Variants in ARHGAP32 observed in about 807,000 individuals in gnomAD.
ARHGAP32 encodes the protein Rho GTPase activating protein 32.
Under a neutral mutation model 186.5 loss-of-function variants are expected in ARHGAP32, and 51 were observed. That is an observed-to-expected ratio of 0.27 (90% CI 0.22 to 0.35). ARHGAP32 has a LOEUF of 0.35. Ranked by LOEUF, ARHGAP32 falls within the 10% of genes least tolerant of loss-of-function variation. The pLI is 1.00. For missense variants in ARHGAP32, 2,186 were observed against 2,623.5 expected, an observed-to-expected ratio of 0.83 and a Z score of 3.64; for synonymous variants, 950 against 964.3, an observed-to-expected ratio of 0.99 and a Z score of 0.27.
At chr11:129,090,336 C>G (rs1306902626) in intron 6 of ARHGAP32, among the ~76,000 whole-genome samples, 1 of 152,112 alleles carries the variant, frequency 6.6e-6, no homozygotes, top group Non-Finnish European at 1.5e-5. Flanking sequence ...AAGCATTCCC[C>G]TGAAACCAAG....
At chr11:128,971,575 T>C (rs1302054663) in intron 22 of ARHGAP32, 5 of 164,630 alleles carry the variant, frequency 3.0e-5, no homozygotes, top group Non-Finnish European at 6.6e-5. Flanking sequence ...GGGGAGACTT[T>C]TGAAATTCAC....
At chr11:129,119,118 A>C (rs1026024348) in intron 5 of ARHGAP32, among the ~76,000 whole-genome samples, 18 of 152,088 alleles carry the variant, frequency 1.2e-4, no homozygotes, top group Middle Eastern at 3.4e-3. Flanking sequence ...AACCTCAATC[A>C]GAACTCATAG....
chr11:129,055,292 G>C (rs1214138921), intron 10 of ARHGAP32, among the ~76,000 whole-genome samples: 1 of 152,142 alleles, frequency 6.6e-6, no homozygotes, highest in Non-Finnish European at 1.5e-5. Flanking sequence ...TCAAATGTTG[G>C]TGAGGATGTG....
rs866166840 is a variant in ARHGAP32 at position 128,970,140 on chromosome 11, C to A, written c.5073G>T (p.Gln1691His). 2 of 1,614,204 alleles carry A rather than the reference C, an allele frequency of 1.2e-6. No homozygotes were observed. Among genetic ancestry groups the A allele is most frequent in the Admixed American group, 3.3e-5 (2 of 60,036 alleles). Residue 1691 changes from glutamine to histidine, a missense_variant, in exon 23 of 23, where the codon CAG (glutamine) becomes CAT (histidine). Around this residue, in one of 5 missense-constraint regions of ARHGAP32, gnomAD observed 1,502 missense variants for 1,570.0 expected, o/e 0.96. Coordinates refer to ENST00000682385, the MANE Select transcript of ARHGAP32 (RefSeq NM_001378024.1). This position sits in a 1 kb window ranked among gnomAD's most constrained non-coding sequence, Gnocchi z 5.8. ...LCDVDAYGTV[Q>H]LRPLHRLPNR... ...TGGGAAGGCGGTGAAGGGGTCTCAA[C>A]TGGACTGTGCCATAGGCATCCACAT...
chr11:129,073,248 A>T (rs1055956750), intron 6 of ARHGAP32, among the ~76,000 whole-genome samples: 1 of 152,212 alleles, frequency 6.6e-6, no homozygotes, highest in Non-Finnish European at 1.5e-5. Flanking sequence ...GTTTAAAAAG[A>T]CTGAAGACAC....
chr11:128,980,045 G>A (rs1461185139), intron 18 of ARHGAP32, among the ~76,000 whole-genome samples: 1 of 152,186 alleles, frequency 6.6e-6, no homozygotes, highest in Non-Finnish European at 1.5e-5. Context: ...TGATTCAGCG[G>A]GTCTGGGGTG....
chr11:129,055,456 C>A (rs2135103364), intron 10 of ARHGAP32, among the ~76,000 whole-genome samples: 1 of 152,298 alleles, frequency 6.6e-6, no homozygotes, highest in Middle Eastern at 3.4e-3. Flanking sequence ...GACTTGAAAA[C>A]TTATGTCCAC....
chr11:129,063,584 A>C (rs549174152), intron 9 of ARHGAP32, among the ~76,000 whole-genome samples: 1 of 152,286 alleles, frequency 6.6e-6, no homozygotes, highest in African/African-American at 2.4e-5. Context: ...TAAGTGATAT[A>C]TCAGCAATAA....
At chr11:129,157,552 C>T (rs1456988336) in intron 2 of ARHGAP32, among the ~76,000 whole-genome samples, 2 of 151,988 alleles carry the variant, frequency 1.3e-5, no homozygotes, top group South Asian at 2.1e-4. Context: ...AAGGAACAAA[C>T]AAAGCCTCCA....
chr11:129,005,491 C>T (rs1937714546), intron 11 of ARHGAP32, among the ~76,000 whole-genome samples: 6 of 152,096 alleles, frequency 3.9e-5, no homozygotes, highest in Non-Finnish European at 8.8e-5. Context: ...TTTACTACTT[C>T]TTCATGTTTG....
upstream of ARHGAP32, among the ~76,000 whole-genome samples, chr11:129,194,432 C>A (rs6590364): frequency 6.6e-6 from 1 of 151,890 alleles, no homozygotes; most frequent in Non-Finnish European, 1.5e-5. Flanking sequence ...CAAGGCAGCC[C>A]TACAGGTCAC....
chr11:129,236,677 T>C (rs1232879935), intron 1 of ARHGAP32, among the ~76,000 whole-genome samples: 1 of 152,236 alleles, frequency 6.6e-6, no homozygotes, highest in East Asian at 1.9e-4. Flanking sequence ...TTTCTAGGTA[T>C]ACAATCACAT....
intron 11 of ARHGAP32, among the ~76,000 whole-genome samples, chr11:129,029,351 C>T (rs1411331963): frequency 9.2e-5 from 14 of 152,190 alleles, no homozygotes; most frequent in Non-Finnish European, 2.1e-4. Context: ...TGCACACAAG[C>T]TAGTTAACCC....
At chr11:129,028,997 T>C (rs894512500) in intron 11 of ARHGAP32, among the ~76,000 whole-genome samples, 1 of 152,190 alleles carries the variant, frequency 6.6e-6, no homozygotes, top group African/African-American at 2.4e-5. Flanking sequence ...CTGGAAATGC[T>C]ACAATGTAAG....
intron 11 of ARHGAP32, among the ~76,000 whole-genome samples, chr11:129,029,341 T>C (rs1368431547): frequency 6.6e-6 from 1 of 152,244 alleles, no homozygotes; most frequent in Non-Finnish European, 1.5e-5. Context: ...ATTAACTACC[T>C]GCACACAAGC....
intron 1 of ARHGAP32, among the ~76,000 whole-genome samples, chr11:129,222,735 T>C (rs1944728174): frequency 6.6e-6 from 1 of 152,194 alleles, no homozygotes; most frequent in Non-Finnish European, 1.5e-5. Flanking sequence ...AAATTTTTCC[T>C]GTAAATCTGT....
At chr11:129,256,766 G>A (rs1356073030) in intron 1 of ARHGAP32, among the ~76,000 whole-genome samples, 1 of 152,158 alleles carries the variant, frequency 6.6e-6, no homozygotes, top group African/African-American at 2.4e-5. Flanking sequence ...TTAGATGCAT[G>A]TAAAAAGAAG....
At chr11:129,268,695 A>AAAAAG (rs1945437315) in intron 1 of ARHGAP32, among the ~76,000 whole-genome samples, 3 of 136,054 alleles carry the variant, frequency 2.2e-5, no homozygotes, top group Non-Finnish European at 4.8e-5. Flanking sequence ...AAAAAAAAAA[A>AAAAAG]GGTGAATTCC....
intron 1 of ARHGAP32, among the ~76,000 whole-genome samples, chr11:129,189,625 T>A (rs974340286): frequency 2.0e-5 from 3 of 152,156 alleles, no homozygotes; most frequent in Admixed American, 6.5e-5. Context: ...TAGGTAATAA[T>A]ACCGACTACA....
Sources: gnomAD v4.1 joint callset for allele counts (sites outside exome capture counted in the v4.1 genomes callset) on GRCh38, gnomAD v4.1.1 for gene constraint, gnomAD v4.1.1 regional missense constraint, Gnocchi (gnomAD v3.1) non-coding constraint, MANE v1.5 for transcripts, NCBI Gene and HGNC (gene_info 2026-07-23, HGNC 2026-07-21) for gene names.